The following CCNY variants were observed in gnomAD, a reference collection of about 807,000 sequenced individuals.
CCNY encodes cyclin Y.
Under a neutral mutation model 42.8 loss-of-function variants are expected in CCNY, and 19 were observed. The ratio of observed to expected loss-of-function variants is 0.44; its 90% CI spans 0.31 to 0.65. The LOEUF (loss-of-function observed/expected upper bound fraction) is 0.65. CCNY is among the 30% of genes least tolerant of loss of function. The pLI is 0.07. For missense variants in CCNY, 370 were observed against 437.3 expected, an observed-to-expected ratio of 0.85 and a Z score of 1.37; for synonymous variants, 165 against 162.7, an observed-to-expected ratio of 1.01 and a Z score of -0.11.
chr10:35,373,357 A>G (rs895053354), intron 1 of CCNY, among the ~76,000 whole-genome samples: 9 of 152,316 alleles, frequency 5.9e-5, no homozygotes, highest in East Asian at 1.9e-4. Context: ...GCTGTCAGCA[A>G]TGGATTCCTT....
chr10:35,430,799 G>A (rs1426851205), intron 1 of CCNY, among the ~76,000 whole-genome samples: 2 of 152,122 alleles, frequency 1.3e-5, no homozygotes, highest in African/African-American at 2.4e-5. Flanking sequence ...AAAATGTTAC[G>A]TATATAGAAT....
At chr10:35,509,360 C>G (rs1175032755) in intron 3 of CCNY, among the ~76,000 whole-genome samples, 1 of 152,188 alleles carries the variant, frequency 6.6e-6, no homozygotes, top group Non-Finnish European at 1.5e-5. Flanking sequence ...ACTGCAACCT[C>G]TGCCTTCCCG....
chr10:35,526,837 A>T (rs1316793443), intron 5 of CCNY, among the ~76,000 whole-genome samples: 4 of 152,234 alleles, frequency 2.6e-5, no homozygotes, highest in African/African-American at 9.6e-5. Context: ...TCATGAGGAC[A>T]TAGCCACTCT....
intron 3 of CCNY, among the ~76,000 whole-genome samples, chr10:35,253,078 T>G (rs2095713078): frequency 6.6e-6 from 1 of 152,224 alleles, no homozygotes; most frequent in Admixed American, 6.5e-5. Flanking sequence ...ATTAAGTCCA[T>G]GAGAACAAAT....
At chr10:35,279,101 G>T (rs1421489395) in intron 3 of CCNY, among the ~76,000 whole-genome samples, 3 of 147,974 alleles carry the variant, frequency 2.0e-5, no homozygotes, top group Admixed American at 1.4e-4. Flanking sequence ...CACCAGTCAA[G>T]CTTTCAATGT....
intron 1 of CCNY, among the ~76,000 whole-genome samples, chr10:35,365,652 G>A (rs1475454119): frequency 6.6e-6 from 1 of 152,130 alleles, no homozygotes. Context: ...GTTTAGTATG[G>A]TATTAGGTGA....
intron 1 of CCNY, among the ~76,000 whole-genome samples, chr10:35,449,378 A>G (rs1034259600): frequency 2.6e-5 from 4 of 151,968 alleles, no homozygotes; most frequent in African/African-American, 4.8e-5. Flanking sequence ...ATAAGGACTG[A>G]GATGTGGCCA....
intron 3 of CCNY, among the ~76,000 whole-genome samples, chr10:35,297,592 AC>A (rs1367304781): frequency 6.6e-6 from 1 of 152,170 alleles, no homozygotes; most frequent in Non-Finnish European, 1.5e-5. Context: ...TATCTAGAAA[AC>A]CCCATAGTCT....
chr10:35,518,246 AG>A, intron 4 of CCNY, among the ~76,000 whole-genome samples: 1 of 152,344 alleles, frequency 6.6e-6, no homozygotes, highest in East Asian at 1.9e-4. Context: ...CAAACACCTA[AG>A]TTAGAAATAT....
chr10:35,327,500 T>C (rs1424639893), intron 3 of CCNY, among the ~76,000 whole-genome samples: 1 of 152,222 alleles, frequency 6.6e-6, no homozygotes, highest in African/African-American at 2.4e-5. Flanking sequence ...TTAATATTCT[T>C]TCCAAATTTT....
intron 3 of CCNY, among the ~76,000 whole-genome samples, chr10:35,279,456 G>T (rs1041549611): frequency 6.6e-6 from 1 of 152,188 alleles, no homozygotes; most frequent in South Asian, 2.1e-4. Flanking sequence ...CAAAGGGCTC[G>T]CTTGGAGGGA....
At chr10:35,255,486 TG>T (rs1464478620) in intron 3 of CCNY, among the ~76,000 whole-genome samples, 1 of 149,046 alleles carries the variant, frequency 6.7e-6, no homozygotes, top group Non-Finnish European at 1.5e-5. Flanking sequence ...TTTAGTGAGA[TG>T]GGGTTTTATC....
chr10:35,467,292 C>T (rs1839289670), intron 1 of CCNY, among the ~76,000 whole-genome samples: 1 of 151,970 alleles, frequency 6.6e-6, no homozygotes, highest in Non-Finnish European at 1.5e-5. Flanking sequence ...TTTTTATTGT[C>T]ATTATTAGTA....
rs1214285749 is a variant in CCNY, at chr10:35,571,930, C to T, written c.*2760C>T. 5 of 151,390 alleles carry T rather than the reference C, an allele frequency of 3.3e-5. No homozygotes were observed. Among genetic ancestry groups the T allele is most frequent in the South Asian group, 4.2e-4 (2 of 4,776 alleles). The allele number at this position is 151,390 out of a possible 1,614,324, so 9.4% of individuals were successfully genotyped here. A position where few individuals can be genotyped will look rare whatever the true frequency, so the allele number is the denominator to read the frequency against. ...TCATTGGGACAATAAATATATATCC[C>T]GATGAATCTTTTTGATTTGTTTTAC... On this transcript the variant is annotated 3_prime_UTR_variant, in exon 10 of 10. Coordinates refer to ENST00000374704, the MANE Select transcript of CCNY (RefSeq NM_145012.6).
intron 1 of CCNY, among the ~76,000 whole-genome samples, chr10:35,386,775 G>A (rs1837307937): frequency 6.6e-6 from 1 of 151,892 alleles, no homozygotes; most frequent in Non-Finnish European, 1.5e-5. Context: ...TGTGGAAAAT[G>A]CATTCTTAGA....
chr10:35,283,433 C>T (rs1490841698), intron 3 of CCNY, among the ~76,000 whole-genome samples: 1 of 151,528 alleles, frequency 6.6e-6, no homozygotes, highest in African/African-American at 2.4e-5. Flanking sequence ...CTGAGTCTCG[C>T]TCTGTCGCCC....
chr10:35,416,160 C>CAT (rs368624587), intron 1 of CCNY, among the ~76,000 whole-genome samples: 1 of 144,500 alleles, frequency 6.9e-6, no homozygotes, highest in Admixed American at 6.8e-5. Flanking sequence ...TTGTGGCACC[C>CAT]GTGTGTGTGT....
intron 3 of CCNY, among the ~76,000 whole-genome samples, chr10:35,279,296 T>C (rs1370123203): frequency 1.3e-5 from 2 of 151,974 alleles, no homozygotes; most frequent in Non-Finnish European, 2.9e-5. Flanking sequence ...TTGTTTTTAG[T>C]AGAGATGGGG....
intron 1 of CCNY, among the ~76,000 whole-genome samples, chr10:35,364,423 A>G (rs1217365929): frequency 6.6e-6 from 1 of 152,242 alleles, no homozygotes; most frequent in Admixed American, 6.5e-5. Flanking sequence ...GTCATTAGAT[A>G]CATTGAAGGA....
Sources: gnomAD v4.1 joint callset for allele counts (sites outside exome capture counted in the v4.1 genomes callset) on GRCh38, gnomAD v4.1.1 for gene constraint, MANE v1.5 for transcripts, NCBI Gene and HGNC (gene_info 2026-07-23, HGNC 2026-07-21) for gene names.